Variants in CHD6 observed in about 807,000 individuals in gnomAD.
CHD6 encodes the protein chromodomain helicase DNA binding protein 6.
CHD6 carries 50 observed loss-of-function variants against 276.9 expected under a neutral mutation model. The ratio of observed to expected loss-of-function variants is 0.18; its 90% CI spans 0.14 to 0.23. The LOEUF (loss-of-function observed/expected upper bound fraction) is 0.23, where lower values mean the gene tolerates loss of function less well. Ranked by LOEUF, CHD6 falls within the 10% of genes least tolerant of loss-of-function variation. CHD6 has a pLI of 1.00. For missense variants in CHD6, 2,564 were observed against 3,365.8 expected, an observed-to-expected ratio of 0.76 and a Z score of 5.89; for synonymous variants, 1,173 against 1,229.3, an observed-to-expected ratio of 0.95 and a Z score of 0.96.
chr20:41,410,471 T>G (rs759324301), intron 36 of CHD6, among the ~76,000 whole-genome samples: 3 of 152,146 alleles, frequency 2.0e-5, no homozygotes, highest in Non-Finnish European at 2.9e-5. Flanking sequence ...GTAGTCGGAA[T>G]GGACTAAGGT....
rs140525975 is a variant in CHD6 at position 41,553,477 on chromosome 20, C to G, written c.-23-2117G>C. 5.6e-3 allele frequency among the ~76,000 whole-genome samples: 848 copies of G among 152,322 alleles called. 8 individuals carry two copies. The highest frequency in any genetic ancestry group is 0.024 in the Middle Eastern group (7 of 294). Reference sequence around the variant, plus strand: ...TTGGAAATGTTATTGCTTCCTTAAACCTTTCATAAGCAACTTCCTCTCCTT... The same window carrying G: ...TTGGAAATGTTATTGCTTCCTTAAAGCTTTCATAAGCAACTTCCTCTCCTT... On this transcript the variant is annotated intron_variant, in intron 1 of 36. Transcript: ENST00000373233.
At chr20:41,415,103 A>T in intron 34 of CHD6, 83 bp downstream of exon 34, 1 of 1,501,396 alleles carries the variant, frequency 6.7e-7, no homozygotes, top group Non-Finnish European at 8.9e-7. Flanking sequence ...AAGATCCACA[A>T]ATTATTTTGC....
At chr20:41,486,668 A>G (rs2043421975) in intron 14 of CHD6, among the ~76,000 whole-genome samples, 1 of 152,194 alleles carries the variant, frequency 6.6e-6, no homozygotes, top group Non-Finnish European at 1.5e-5. Context: ...CATTCCTGTA[A>G]TAAGGTCTTG....
chr20:41,528,739 T>G (rs1181392046), intron 3 of CHD6, among the ~76,000 whole-genome samples: 1 of 152,232 alleles, frequency 6.6e-6, no homozygotes, highest in Non-Finnish European at 1.5e-5. Context: ...AATTTTAGGC[T>G]TTTATCTCTT....
intron 27 of CHD6, among the ~76,000 whole-genome samples, chr20:41,427,795 T>C (rs2047412886): frequency 6.6e-6 from 1 of 152,244 alleles, no homozygotes; most frequent in African/African-American, 2.4e-5. Flanking sequence ...CCATTTTATC[T>C]TATACTACTA....
At chr20:41,614,550 T>C (rs949267417) in intron 1 of CHD6, among the ~76,000 whole-genome samples, 3 of 152,146 alleles carry the variant, frequency 2.0e-5, no homozygotes, top group Non-Finnish European at 4.4e-5. Flanking sequence ...AATGAATAAA[T>C]GTAAGAGGAT....
chr20:41,567,857 C>T (rs189930809), intron 1 of CHD6, among the ~76,000 whole-genome samples: 3 of 152,314 alleles, frequency 2.0e-5, no homozygotes, highest in East Asian at 3.9e-4. Context: ...CCTGAAGGAA[C>T]ACAAGGCTGC....
In CHD6 at chr20:41,473,284, G is replaced by C. The variant is rs1381788595; in HGVS notation, c.2664+38C>G. On this transcript the variant is annotated intron_variant, in intron 17 of 36. Transcript: ENST00000373233. The surrounding 1 kb of genome is among the most constrained non-coding windows in gnomAD (Gnocchi z 4.1). Reference sequence around the variant, plus strand: ...CCCTATCATGATGTTCTGGGATCCAGGGCAGCTAAGGTAAACAGCAATCAT... The same window carrying C: ...CCCTATCATGATGTTCTGGGATCCACGGCAGCTAAGGTAAACAGCAATCAT... 3 of 1,594,542 alleles carry C rather than the reference G, an allele frequency of 1.9e-6. No individual in the cohort carries two copies. The highest frequency in any genetic ancestry group is 2.2e-5 in the East Asian group (1 of 44,656).
At chr20:41,519,632 C>G (rs1198994470) in intron 3 of CHD6, among the ~76,000 whole-genome samples, 3 of 152,114 alleles carry the variant, frequency 2.0e-5, no homozygotes, top group African/African-American at 7.2e-5. Context: ...ATGTAGAAAG[C>G]TGAAACTGGA....
intron 2 of CHD6, chr20:41,547,832 C>T (rs897064376): frequency 1.3e-5 from 6 of 453,458 alleles, no homozygotes; most frequent in African/African-American, 1.0e-4. Flanking sequence ...GGACTGACTA[C>T]TGCCCAGTCT....
chr20:41,561,756 T>C (rs1409399256), intron 1 of CHD6, among the ~76,000 whole-genome samples: 1 of 152,206 alleles, frequency 6.6e-6, no homozygotes, highest in Non-Finnish European at 1.5e-5. Flanking sequence ...AATTTCTCCT[T>C]GGAATTTTGA....
chr20:41,407,423 A>G (rs1020140948), intron 36 of CHD6, among the ~76,000 whole-genome samples: 10 of 152,206 alleles, frequency 6.6e-5, no homozygotes, highest in Admixed American at 6.5e-4. Context: ...CAGAGAAAGA[A>G]GCCAGGGAAG....
At chr20:41,425,773 C>A (rs1251352197) in intron 28 of CHD6, among the ~76,000 whole-genome samples, 2 of 151,884 alleles carry the variant, frequency 1.3e-5, no homozygotes, top group African/African-American at 4.8e-5. Context: ...TAAACCAACC[C>A]CCACAACCTT....
chr20:41,532,027 T>G (rs1452648326), intron 3 of CHD6, among the ~76,000 whole-genome samples: 1 of 152,104 alleles, frequency 6.6e-6, no homozygotes, highest in Admixed American at 6.5e-5. Flanking sequence ...AAGATAGGAG[T>G]CATGTATTTG....
chr20:41,413,525 G>C lies in CHD6; in HGVS notation c.6940-10C>G, dbSNP rs778810348. On this transcript the variant is annotated splice_polypyrimidine_tract_variant and intron_variant, in intron 34 of 36. Transcript: ENST00000373233. ...GGTCTTCATGGACTTCCTGGATGAA[G>C]GAAAAACGAGTATGTATAATCACGA... 4 of 1,517,992 alleles carry C rather than the reference G, an allele frequency of 2.6e-6. No homozygotes were observed. Among genetic ancestry groups the C allele is most frequent in the Non-Finnish European group, 3.5e-6 (4 of 1,132,060 alleles). 94.0% of individuals were successfully genotyped at this position (1,517,992 alleles called of 1,614,324 possible). A position where few individuals can be genotyped will look rare whatever the true frequency, so the allele number is the denominator to read the frequency against.
At chr20:41,586,314 G>A (rs376480789) in intron 1 of CHD6, among the ~76,000 whole-genome samples, 1 of 152,202 alleles carries the variant, frequency 6.6e-6, no homozygotes, top group Non-Finnish European at 1.5e-5. Context: ...CAGGGTGTCC[G>A]CTGTGCTTCT....
At chr20:41,474,600 T>C (rs2043131755) in intron 16 of CHD6, among the ~76,000 whole-genome samples, 1 of 152,134 alleles carries the variant, frequency 6.6e-6, no homozygotes, top group African/African-American at 2.4e-5. Flanking sequence ...GCCAAGACCA[T>C]GAATCCTGGC....
At chr20:41,615,347 T>C (rs2045924842) in intron 1 of CHD6, among the ~76,000 whole-genome samples, 1 of 119,390 alleles carries the variant, frequency 8.4e-6, no homozygotes, top group South Asian at 2.6e-4. Flanking sequence ...CACATTCCAT[T>C]GCAAAAAAAA....
At chr20:41,577,064 G>C (rs1397696163) in intron 1 of CHD6, among the ~76,000 whole-genome samples, 1 of 152,202 alleles carries the variant, frequency 6.6e-6, no homozygotes, top group Non-Finnish European at 1.5e-5. Flanking sequence ...AGGAAGGAAA[G>C]AGAATTATTT....
Sources: gnomAD v4.1 joint callset for allele counts (sites outside exome capture counted in the v4.1 genomes callset) on GRCh38, gnomAD v4.1.1 for gene constraint, Gnocchi (gnomAD v3.1) non-coding constraint, MANE v1.5 for transcripts, NCBI Gene and HGNC (gene_info 2026-07-23, HGNC 2026-07-21) for gene names.